NEGR1: variants seen among roughly 807,000 people sequenced by gnomAD.
NEGR1 encodes neuronal growth regulator 1, also known as IgLON family member 4.
Under a neutral mutation model 40.9 loss-of-function variants are expected in NEGR1, and 10 were observed. The observed-to-expected ratio is 0.24, with a 90% CI of 0.15 to 0.42. NEGR1 has a LOEUF of 0.42. Ranked by LOEUF, NEGR1 falls within the 10% of genes least tolerant of loss-of-function variation. The probability of loss-of-function intolerance (pLI) is 1.00; values close to 1 mark genes in which losing one functional copy is unlikely to be tolerated. For synonymous variants in NEGR1, 185 were observed against 166.8 expected, an observed-to-expected ratio of 1.11 and a Z score of -0.84; for missense variants, 352 against 438.9, an observed-to-expected ratio of 0.80 and a Z score of 1.77.
intron 3 of NEGR1, among the ~76,000 whole-genome samples, chr1:71,723,434 G>C (rs1056948339): frequency 3.3e-5 from 5 of 152,032 alleles, no homozygotes; most frequent in African/African-American, 1.2e-4. Context: ...CCAGTCTTTG[G>C]AAAAGGGCAA....
intron 6 of NEGR1, among the ~76,000 whole-genome samples, chr1:71,436,366 C>A (rs1450701407): frequency 6.6e-6 from 1 of 152,000 alleles, no homozygotes; most frequent in Non-Finnish European, 1.5e-5. Context: ...CAGTGCCAGA[C>A]AATGAGGAAG....
rs919872156 is a variant in NEGR1 at position 71,404,140 on chromosome 1, G to C, written c.*3306C>G. ...TTTTCAGAGTTTTCTGACTTCAAAT[G>C]TAGGGGTATTTATATATATATATAT... On this transcript the variant is annotated 3_prime_UTR_variant, in exon 7 of 7. Transcript: ENST00000357731. 1.7e-5 allele frequency: 3 copies of C among 177,498 alleles called. No individual in the cohort carries two copies. The highest frequency in any genetic ancestry group is 7.2e-5 in the African/African-American group (3 of 41,740). 11.0% of individuals were successfully genotyped at this position (177,498 alleles called of 1,614,324 possible).
chr1:71,458,825 G>A (rs976511586), intron 6 of NEGR1, among the ~76,000 whole-genome samples: 4 of 152,134 alleles, frequency 2.6e-5, no homozygotes, highest in Admixed American at 6.6e-5. Flanking sequence ...TTGGTCATTT[G>A]TTAGCTAAAT....
chr1:71,916,507 C>T (rs775835966), intron 2 of NEGR1, among the ~76,000 whole-genome samples: 1 of 152,186 alleles, frequency 6.6e-6, no homozygotes, highest in Admixed American at 6.5e-5. Flanking sequence ...AATCGCAACA[C>T]TTTGGGAGGC....
chr1:71,919,784 A>G (rs952527154), intron 2 of NEGR1, among the ~76,000 whole-genome samples: 15 of 152,202 alleles, frequency 9.9e-5, no homozygotes, highest in African/African-American at 3.4e-4. Context: ...AAAAATCTCA[A>G]ACATATTTTG....
intron 1 of NEGR1, among the ~76,000 whole-genome samples, chr1:72,126,549 G>T (rs891229857): frequency 6.6e-6 from 1 of 152,088 alleles, no homozygotes; most frequent in Non-Finnish European, 1.5e-5. Flanking sequence ...CAGATTTCAA[G>T]TTCTACCTTC....
chr1:71,666,582 T>C (rs1652250675), intron 4 of NEGR1, among the ~76,000 whole-genome samples: 1 of 152,156 alleles, frequency 6.6e-6, no homozygotes, highest in Non-Finnish European at 1.5e-5. Flanking sequence ...ACCATGTCCA[T>C]CGCTAAATAT....
chr1:71,457,464 G>A (rs893261309), intron 6 of NEGR1, among the ~76,000 whole-genome samples: 2 of 152,168 alleles, frequency 1.3e-5, no homozygotes, highest in Non-Finnish European at 2.9e-5. Flanking sequence ...GTCATTCATC[G>A]CATGTTTGTT....
chr1:71,636,319 T>G (rs1651149923), intron 4 of NEGR1, among the ~76,000 whole-genome samples: 1 of 152,142 alleles, frequency 6.6e-6, no homozygotes, highest in South Asian at 2.1e-4. Context: ...GGTTCTTTAA[T>G]GAGTATTTCG....
At chr1:71,810,742 C>T (rs964442186) in intron 2 of NEGR1, among the ~76,000 whole-genome samples, 1 of 151,992 alleles carries the variant, frequency 6.6e-6, no homozygotes, top group Non-Finnish European at 1.5e-5. Context: ...TAGCTCCTCT[C>T]CCTTCTCTCT....
intron 2 of NEGR1, among the ~76,000 whole-genome samples, chr1:71,790,080 C>T (rs1021025169): frequency 7.2e-5 from 11 of 152,154 alleles, no homozygotes; most frequent in South Asian, 4.1e-4. Context: ...CAACTACTTA[C>T]GAAGAAAGAA....
intron 1 of NEGR1, among the ~76,000 whole-genome samples, chr1:72,037,727 C>T (rs1375768733): frequency 2.0e-5 from 3 of 152,102 alleles, no homozygotes; most frequent in Admixed American, 1.3e-4. Flanking sequence ...TCATTGCAAA[C>T]ATCTGAATCT....
chr1:72,166,016 G>A (rs1651750705), intron 1 of NEGR1, among the ~76,000 whole-genome samples: 1 of 151,966 alleles, frequency 6.6e-6, no homozygotes, highest in East Asian at 1.9e-4. Flanking sequence ...TAATAGGAAA[G>A]GGCAATGTAT....
chr1:72,220,491 G>C (rs1010142706), intron 1 of NEGR1, among the ~76,000 whole-genome samples: 39 of 151,768 alleles, frequency 2.6e-4, no homozygotes, highest in African/African-American at 9.2e-4. Context: ...AAAATCAGTA[G>C]ATTACTTATA....
intron 6 of NEGR1, among the ~76,000 whole-genome samples, chr1:71,513,869 A>G (rs1003283906): frequency 4.0e-5 from 6 of 148,620 alleles, no homozygotes; most frequent in African/African-American, 1.5e-4. Context: ...GTGTGTGCGC[A>G]CCGTGCGCGA....
At chr1:71,955,236 C>A (rs530938123) in intron 1 of NEGR1, among the ~76,000 whole-genome samples, 17 of 152,112 alleles carry the variant, frequency 1.1e-4, no homozygotes, top group Admixed American at 2.0e-4. Context: ...TTTTGGTAGG[C>A]CATAGATTCT....
chr1:71,998,852 C>T (rs1039921373), intron 1 of NEGR1, among the ~76,000 whole-genome samples: 1 of 151,480 alleles, frequency 6.6e-6, no homozygotes, highest in African/African-American at 2.4e-5. Context: ...TATACACATA[C>T]TTGGGATATG....
intron 1 of NEGR1, among the ~76,000 whole-genome samples, chr1:72,181,727 C>A (rs555534798): frequency 5.3e-5 from 8 of 152,174 alleles, no homozygotes; most frequent in Middle Eastern, 6.8e-3. Flanking sequence ...AGAGATCTTG[C>A]CATTTGTCAC....
intron 5 of NEGR1, among the ~76,000 whole-genome samples, chr1:71,600,299 T>C (rs1649873232): frequency 1.3e-5 from 2 of 152,168 alleles, no homozygotes; most frequent in South Asian, 4.1e-4. Context: ...GACATGATAG[T>C]GAACAAGGCA....
Sources: gnomAD v4.1 joint callset for allele counts (sites outside exome capture counted in the v4.1 genomes callset) on GRCh38, gnomAD v4.1.1 for gene constraint, MANE v1.5 for transcripts, NCBI Gene and HGNC (gene_info 2026-07-23, HGNC 2026-07-21) for gene names.